The following ARHGAP20 variants were observed in gnomAD, a reference collection of about 807,000 sequenced individuals.
ARHGAP20 encodes the protein Rho GTPase activating protein 20, also known as rho GTPase-activating protein 20.
Under a neutral mutation model 73.7 loss-of-function variants are expected in ARHGAP20, and 34 were observed. The observed-to-expected ratio is 0.46, with a 90% CI of 0.35 to 0.61. The LOEUF is 0.61. ARHGAP20 is among the 20% of genes least tolerant of loss of function. ARHGAP20 has a pLI of 0.00. For missense variants in ARHGAP20, 1,314 were observed against 1,420.9 expected (o/e 0.92, Z 1.21); for synonymous variants, 523 against 518.2 (o/e 1.01, Z -0.13).
chr11:110,603,610 T>G (rs1355925448), intron 9 of ARHGAP20, among the ~76,000 whole-genome samples: 3 of 152,200 alleles, frequency 2.0e-5, no homozygotes, highest in African/African-American at 7.2e-5. Flanking sequence ...GAGTAGTGTT[T>G]TACCAACCTC....
chr11:110,686,453 A>G (rs1194641553), intron 2 of ARHGAP20, among the ~76,000 whole-genome samples: 2 of 152,182 alleles, frequency 1.3e-5, no homozygotes, highest in Non-Finnish European at 2.9e-5. Context: ...GGGATGGAGT[A>G]GAGAATTTAC....
At chr11:110,627,297 T>C (rs1344971924) in intron 3 of ARHGAP20, among the ~76,000 whole-genome samples, 1 of 152,120 alleles carries the variant, frequency 6.6e-6, no homozygotes, top group African/African-American at 2.4e-5. Context: ...TTTGCCATGT[T>C]GGCCAGGCTG....
At chr11:110,703,342 C>T (rs538261426) in intron 1 of ARHGAP20, among the ~76,000 whole-genome samples, 1 of 152,194 alleles carries the variant, frequency 6.6e-6, no homozygotes, top group Non-Finnish European at 1.5e-5. Context: ...CTATGTAATG[C>T]AGAAGAATGG....
At chr11:110,665,772 G>T (rs1489646870) in intron 2 of ARHGAP20, among the ~76,000 whole-genome samples, 1 of 152,172 alleles carries the variant, frequency 6.6e-6, no homozygotes, top group East Asian at 1.9e-4. Flanking sequence ...TGGGAAAATA[G>T]CCACTAGGAA....
chr11:110,680,502 G>A (rs1950017684), intron 2 of ARHGAP20, among the ~76,000 whole-genome samples: 1 of 152,164 alleles, frequency 6.6e-6, no homozygotes, highest in Admixed American at 6.5e-5. Context: ...AGGACAGACT[G>A]CTATCCCTAT....
intron 1 of ARHGAP20, among the ~76,000 whole-genome samples, chr11:110,694,200 C>CA (rs1302940207): frequency 6.6e-6 from 1 of 151,772 alleles, no homozygotes; most frequent in East Asian, 1.9e-4. Context: ...CTCTGTCCCC[C>CA]AAATGGGAAA....
chr11:110,631,599 C>T (rs1948862042), intron 2 of ARHGAP20, among the ~76,000 whole-genome samples: 1 of 152,178 alleles, frequency 6.6e-6, no homozygotes, highest in South Asian at 2.1e-4. Flanking sequence ...TATGAGACCC[C>T]CAAGTTGCTC....
At position 110,704,574 on chromosome 11, in the gene ARHGAP20, G is replaced by C. The variant is rs183699093; in HGVS notation, c.105+7553C>G. 3.4e-3 allele frequency among the ~76,000 whole-genome samples: 503 copies of C among 149,102 alleles called. 5 individuals are homozygous for C. The highest frequency in any genetic ancestry group is 0.012 in the African/African-American group (486 of 40,814). On this transcript the variant is annotated intron_variant, in intron 1 of 14. Coordinates refer to ENST00000683387, the MANE Select transcript of ARHGAP20 (RefSeq NM_001384657.1). ...ACTGAAATAAAATATAATATAAACT[G>C]GGCTATATTGCCTACAAGCCTCATT...
rs146184729 is a variant in ARHGAP20 at position 110,675,375 on chromosome 11, A to C, written c.188+15172T>G. Among the ~76,000 whole-genome samples, 338 of 152,236 alleles carry C rather than the reference A, an allele frequency of 2.2e-3. 1 individual carries two copies. The highest frequency in any genetic ancestry group is 5.2e-3 in the Admixed American group (80 of 15,284). On this transcript the variant is annotated intron_variant, in intron 2 of 14. Coordinates refer to ENST00000683387, the MANE Select transcript of ARHGAP20 (RefSeq NM_001384657.1). ...TTCTACACACTTTGAGCTCTAACTT[A>C]AATTCTCATTGCTAGAACATTATAT...
intron 2 of ARHGAP20, among the ~76,000 whole-genome samples, chr11:110,648,608 C>T (rs1027877257): frequency 2.0e-5 from 3 of 151,612 alleles, no homozygotes; most frequent in East Asian, 3.9e-4. Context: ...CCTCAGCCTC[C>T]CGAGTAACTG....
chr11:110,656,884 C>T (rs1461258561), intron 2 of ARHGAP20, among the ~76,000 whole-genome samples: 6 of 152,300 alleles, frequency 3.9e-5, no homozygotes, highest in African/African-American at 1.4e-4. Flanking sequence ...TACTTGGTGC[C>T]TTTAAGAAAT....
chr11:110,678,083 C>T (rs1949968299), intron 2 of ARHGAP20, among the ~76,000 whole-genome samples: 1 of 152,016 alleles, frequency 6.6e-6, no homozygotes, highest in African/African-American at 2.4e-5. Context: ...TTGAAAACAT[C>T]ATGCTAACTG....
chr11:110,603,170 C>T (rs1948148512), intron 9 of ARHGAP20, among the ~76,000 whole-genome samples: 1 of 152,148 alleles, frequency 6.6e-6, no homozygotes, highest in Admixed American at 6.5e-5. Flanking sequence ...ATTGTCAGTT[C>T]TGTGAATTTT....
At chr11:110,648,223 A>AAATATATATATATGTAAATATATATATG (rs1565457508) in intron 2 of ARHGAP20, among the ~76,000 whole-genome samples, 12 of 38,492 alleles carry the variant, frequency 3.1e-4, no homozygotes, top group African/African-American at 2.9e-3. Flanking sequence ...ATATATATGT[A>AAATATATATATATGTAAATATATATATG]TATATATATA....
rs538224696 is a variant in ARHGAP20 at position 110,710,311 on chromosome 11, A to G, written c.105+1816T>C. On this transcript the variant is annotated intron_variant, in intron 1 of 14. Coordinates refer to ENST00000683387, the MANE Select transcript of ARHGAP20 (RefSeq NM_001384657.1). Reference sequence around the variant, plus strand: ...CAGCATCTTAAGGACGGTGGCTATGATAAGTAAAAAGAATGTGGGAAAAGA... The same window carrying G: ...CAGCATCTTAAGGACGGTGGCTATGGTAAGTAAAAAGAATGTGGGAAAAGA... Among the ~76,000 whole-genome samples, 5 of 152,306 alleles carry G rather than the reference A, an allele frequency of 3.3e-5. No individual in the cohort carries two copies. The South Asian group carries it at 8.3e-4, about 25-fold the overall frequency.
intron 2 of ARHGAP20, among the ~76,000 whole-genome samples, chr11:110,658,941 A>C (rs1486539236): frequency 6.6e-6 from 1 of 152,200 alleles, no homozygotes; most frequent in Non-Finnish European, 1.5e-5. Context: ...ACTCTGCTTA[A>C]TCACTTCTAA....
rs1479728889 is a variant in ARHGAP20, at chr11:110,580,117, A to C, written c.2829T>G (p.Thr943=). 1.2e-6 allele frequency: 2 copies of C among 1,614,200 alleles called. No individual in the cohort carries two copies. The highest frequency in any genetic ancestry group is 1.7e-6 in the Non-Finnish European group (2 of 1,180,024). The change falls in exon 15 of 15, where the codon ACT becomes ACG. Residue 943 remains threonine (T), a synonymous_variant. Coordinates refer to ENST00000683387, the MANE Select transcript of ARHGAP20 (RefSeq NM_001384657.1). ...AGCTTACTGATGAGCCGGATGGGGAAGTGCCTGGGGAGGATAAGCTGGAAT... is the reference window on the plus strand; with the variant it reads ...AGCTTACTGATGAGCCGGATGGGGACGTGCCTGGGGAGGATAAGCTGGAAT... ...TSYSSLSSPG[T]SPSGSSVSSQ...
At chr11:110,697,999 T>G (rs1008974012) in intron 1 of ARHGAP20, among the ~76,000 whole-genome samples, 1 of 151,810 alleles carries the variant, frequency 6.6e-6, no homozygotes, top group Admixed American at 6.6e-5. Flanking sequence ...ACTGACTCTG[T>G]AGATTGCCTT....
At chr11:110,686,506 A>G (rs1327774807) in intron 2 of ARHGAP20, among the ~76,000 whole-genome samples, 1 of 152,142 alleles carries the variant, frequency 6.6e-6, no homozygotes, top group Non-Finnish European at 1.5e-5. Context: ...TTTATAACAA[A>G]TATGTATTAC....
Sources: allele counts gnomAD v4.1 joint callset (sites outside exome capture counted in the v4.1 genomes callset), GRCh38; gene constraint gnomAD v4.1.1; transcripts MANE v1.5; gene names NCBI Gene and HGNC (gene_info 2026-07-23, HGNC 2026-07-21).